Variants in ZNF516 observed in about 807,000 individuals in gnomAD.
The protein encoded by ZNF516 is zinc finger protein 516.
A neutral mutation model predicts 79.7 loss-of-function variants in ZNF516; 19 were observed. The observed-to-expected ratio is 0.24, with a 90% CI of 0.17 to 0.35. The LOEUF is 0.35. ZNF516 is among the 10% of genes least tolerant of loss of function. The probability of loss-of-function intolerance (pLI) is 1.00; values close to 1 mark genes in which losing one functional copy is unlikely to be tolerated. For missense variants in ZNF516, 1,678 were observed against 1,679.5 expected (o/e 1.00, Z 0.02); for synonymous variants, 877 against 739.5 (o/e 1.19, Z -3.02).
intron 1 of ZNF516, among the ~76,000 whole-genome samples, chr18:76,463,759 T>A (rs1913272034): frequency 6.6e-6 from 1 of 152,212 alleles, no homozygotes; most frequent in Non-Finnish European, 1.5e-5. Flanking sequence ...CCCAGATGTT[T>A]CAGGGTGTGG....
chr18:76,404,412 G>C (rs1015097152), intron 3 of ZNF516, among the ~76,000 whole-genome samples: 1 of 152,200 alleles, frequency 6.6e-6, no homozygotes, highest in Non-Finnish European at 1.5e-5. Flanking sequence ...TGAGTGTGGG[G>C]GTGAGTGAGC....
intron 3 of ZNF516, among the ~76,000 whole-genome samples, chr18:76,438,975 T>C (rs1295613627): frequency 1.3e-5 from 2 of 152,220 alleles, no homozygotes; most frequent in African/African-American, 2.4e-5. Context: ...TCCATGAGAA[T>C]TTAAAATAAC....
At chr18:76,390,180 G>A (rs534388521) in intron 3 of ZNF516, among the ~76,000 whole-genome samples, 5 of 152,246 alleles carry the variant, frequency 3.3e-5, no homozygotes, top group Middle Eastern at 3.4e-3. Context: ...CATTGAGTAT[G>A]CGCTAAGGTT....
chr18:76,447,877 G>A (rs1224040158), intron 2 of ZNF516, among the ~76,000 whole-genome samples: 1 of 152,066 alleles, frequency 6.6e-6, no homozygotes, highest in Non-Finnish European at 1.5e-5. Flanking sequence ...ATCTCTTGCT[G>A]TATGTGAGTG....
At chr18:76,448,495 C>T (rs908516545) in intron 2 of ZNF516, among the ~76,000 whole-genome samples, 1 of 152,208 alleles carries the variant, frequency 6.6e-6, no homozygotes, top group East Asian at 1.9e-4. Context: ...CCAGGGTTAA[C>T]CCCACTGACA....
At chr18:76,469,298 T>C (rs760132668) in intron 1 of ZNF516, among the ~76,000 whole-genome samples, 1 of 152,238 alleles carries the variant, frequency 6.6e-6, no homozygotes, top group Non-Finnish European at 1.5e-5. Flanking sequence ...CAGTCCTATT[T>C]TTTATATTAC....
At chr18:76,477,668 C>G (rs1235342831) in intron 1 of ZNF516, among the ~76,000 whole-genome samples, 1 of 152,090 alleles carries the variant, frequency 6.6e-6, no homozygotes, top group Non-Finnish European at 1.5e-5. Flanking sequence ...CCAAACCACC[C>G]CACACATTCT....
At chr18:76,441,010 G>C (rs1431015933) in intron 3 of ZNF516, among the ~76,000 whole-genome samples, 3 of 152,162 alleles carry the variant, frequency 2.0e-5, no homozygotes, top group African/African-American at 7.2e-5. Context: ...TCCATACTGG[G>C]GACAGATTCC....
At chr18:76,496,029 C>CGG (rs1915467340), upstream of ZNF516, among the ~76,000 whole-genome samples, 1 of 152,132 alleles carries the variant, frequency 6.6e-6, no homozygotes, top group Admixed American at 6.5e-5. Context: ...CATTTCTTCA[C>CGG]CTCACCTACT....
intron 3 of ZNF516, among the ~76,000 whole-genome samples, chr18:76,432,907 T>C (rs537351124): frequency 3.9e-5 from 6 of 152,326 alleles, no homozygotes; most frequent in African/African-American, 1.4e-4. Context: ...CTCCAAGCCA[T>C]GGCTCTAACA....
In ZNF516 at chr18:76,466,675, C is replaced by A. The variant is rs145704549; in HGVS notation, c.-271-3534G>T. On this transcript the variant is annotated intron_variant, in intron 1 of 6. Transcript: ENST00000443185. ...CACAGGACGCAGTGGTGCCTGCCTG[C>A]CAAGCCTGGGATGGGTGTGAGGCAA... Among the ~76,000 whole-genome samples the A allele has an allele frequency of 2.8e-3, 420 of 152,332 alleles. 2 individuals carry two copies. Among genetic ancestry groups the A allele is most frequent in the African/African-American group, 9.6e-3 (401 of 41,558 alleles).
chr18:76,440,744 G>T (rs112679685), intron 3 of ZNF516, among the ~76,000 whole-genome samples: 117 of 36,950 alleles, frequency 3.2e-3, no homozygotes, highest in East Asian at 0.029. Flanking sequence ...GTGTGTGTTT[G>T]TGTGTGTGTG....
rs921116884 is a variant in ZNF516 at position 76,359,827 on chromosome 18, C to CG, written c.*2670dup. 1 of 146,126 alleles carries CG rather than the reference C, an allele frequency of 6.8e-6. No homozygotes were observed. Among genetic ancestry groups the CG allele is most frequent in the African/African-American group, 2.8e-5 (1 of 36,112 alleles). The allele number at this position is 146,126 out of a possible 1,614,324, so 9.1% of individuals were successfully genotyped here. ...AGTGTATCATGCAGAAATTACCATT[C>CG]GGAAAAAAAAAGGCAATCAAAACGG... On this transcript the variant is annotated 3_prime_UTR_variant, in exon 7 of 7. Coordinates refer to ENST00000443185, the MANE Select transcript of ZNF516 (RefSeq NM_014643.4).
At chr18:76,453,816 C>T (rs1287132341) in intron 2 of ZNF516, among the ~76,000 whole-genome samples, 1 of 152,064 alleles carries the variant, frequency 6.6e-6, no homozygotes, top group Non-Finnish European at 1.5e-5. Flanking sequence ...CATGCTTTTT[C>T]GAAATTTCTA....
At chr18:76,468,963 A>C (rs992188063) in intron 1 of ZNF516, among the ~76,000 whole-genome samples, 1 of 152,206 alleles carries the variant, frequency 6.6e-6, no homozygotes, top group Non-Finnish European at 1.5e-5. Flanking sequence ...ACTAAACCAC[A>C]CTGCTACAAA....
At chr18:76,363,068 T>TG (rs759849175) in intron 6 of ZNF516, among the ~76,000 whole-genome samples, 23 of 152,190 alleles carry the variant, frequency 1.5e-4, no homozygotes, top group East Asian at 9.6e-4. Context: ...GTTCACCCAT[T>TG]TCCATAAACA....
chr18:76,488,113 G>A, intron 1 of ZNF516: 1 of 984,658 alleles, frequency 1.0e-6, no homozygotes, highest in Non-Finnish European at 1.2e-6. Context: ...TACACGGGGA[G>A]ATGTATTCCA....
Position 76,442,278 on chromosome 18 carries a change from C to A in ZNF516, c.777G>T (p.Gln259His). 1 of 1,613,302 alleles carries A rather than the reference C, an allele frequency of 6.2e-7. No homozygotes were observed. Among genetic ancestry groups the A allele is most frequent in the South Asian group, 1.1e-5 (1 of 91,060 alleles). Residue 259 changes from glutamine (Q) to histidine (H), a missense_variant, in exon 3 of 7, where the codon CAG (glutamine) becomes CAT (histidine). This residue lies in a region of ZNF516 where 279 missense variants were observed against 254.1 expected (regional missense o/e 1.10). Coordinates refer to ENST00000443185, the MANE Select transcript of ZNF516 (RefSeq NM_014643.4). ...TCATGTGCGCCTTCAGGAACCAGGTCTGGCTGAAGGCCTGGCCACACACCT... is the reference window on the plus strand; with the variant it reads ...TCATGTGCGCCTTCAGGAACCAGGTATGGCTGAAGGCCTGGCCACACACCT... ...PCEVCGQAFS[Q>H]TWFLKAHMKK... is the part of the protein sequence containing the mutation.
At chr18:76,366,044 C>T (rs1568228278) in intron 6 of ZNF516, among the ~76,000 whole-genome samples, 2 of 152,170 alleles carry the variant, frequency 1.3e-5, no homozygotes, top group Admixed American at 1.3e-4. Context: ...GTGTATATAA[C>T]ATGGAAGAGG....
Sources: allele counts gnomAD v4.1 joint callset (sites outside exome capture counted in the v4.1 genomes callset), GRCh38; gene constraint gnomAD v4.1.1; regional missense constraint gnomAD v4.1.1; transcripts MANE v1.5; gene names NCBI Gene and HGNC (gene_info 2026-07-23, HGNC 2026-07-21).